CRB1: variants seen among roughly 807,000 people sequenced by gnomAD.
The protein encoded by CRB1 is protein crumbs homolog 1.
CRB1 carries 83 observed loss-of-function variants against 120.0 expected under a neutral mutation model. The ratio of observed to expected loss-of-function variants is 0.69; its 90% CI spans 0.58 to 0.83. The LOEUF is 0.83. Ranked by LOEUF, CRB1 falls within the 40% of genes least tolerant of loss-of-function variation. CRB1 has a pLI of 0.00. For missense variants in CRB1, 1,699 were observed against 1,687.6 expected, an observed-to-expected ratio of 1.01 and a Z score of -0.12; for synonymous variants, 625 against 612.5, an observed-to-expected ratio of 1.02 and a Z score of -0.30.
chr1:197,417,922 A>G (rs1482016375), intron 5 of CRB1, among the ~76,000 whole-genome samples: 2 of 152,166 alleles, frequency 1.3e-5, no homozygotes, highest in Non-Finnish European at 2.9e-5. Flanking sequence ...ATTTTATTCT[A>G]AATTGCATTG....
chr1:197,392,705 A>C (rs1662568259), intron 5 of CRB1, among the ~76,000 whole-genome samples: 1 of 152,210 alleles, frequency 6.6e-6, no homozygotes, highest in Non-Finnish European at 1.5e-5. Context: ...GTGAATCAAT[A>C]TGACTACAGA....
At chr1:197,323,725 A>G (rs1406564561) in intron 1 of CRB1, among the ~76,000 whole-genome samples, 4 of 152,116 alleles carry the variant, frequency 2.6e-5, no homozygotes. Context: ...ATCTTCTATG[A>G]GGTAAATGTG....
rs761294709 is a variant in CRB1 at position 197,429,627 on chromosome 1, C to T, written c.2842+13C>T. 11 of 1,612,490 alleles carry T rather than the reference C, an allele frequency of 6.8e-6. No individual in the cohort carries two copies. The Admixed American group carries it at 1.0e-4, about 15-fold the overall frequency. The stretch of plus-strand genomic sequence containing the variant: ...CAAGGATTTGAATGTAGGTAGAGTT[C>T]AAACCTACCATCTCACCAGTTAAGT... On this transcript the variant is annotated intron_variant, in intron 8 of 11. Coordinates refer to ENST00000367400, the MANE Select transcript of CRB1 (RefSeq NM_201253.3).
the CRB1 span, among the ~76,000 whole-genome samples, chr1:197,247,447 C>T: frequency 2.0e-5 from 3 of 152,032 alleles, no homozygotes; most frequent in African/African-American, 7.2e-5. Context: ...GAACACCAAA[C>T]CAATAGTATT....
At chr1:197,256,513 G>C in the CRB1 span, among the ~76,000 whole-genome samples, 1 of 152,048 alleles carries the variant, frequency 6.6e-6, no homozygotes, top group Non-Finnish European at 1.5e-5. Flanking sequence ...GTACTTATAT[G>C]TTTAAGACAC....
At chr1:197,297,160 A>G (rs932709700) in intron 1 of CRB1, among the ~76,000 whole-genome samples, 50 of 151,650 alleles carry the variant, frequency 3.3e-4, no homozygotes, top group African/African-American at 1.2e-3. Context: ...GGTCATCTGA[A>G]ACGCCATCAA....
intron 1 of CRB1, among the ~76,000 whole-genome samples, chr1:197,269,037 A>G (rs1376343833): frequency 6.6e-6 from 1 of 152,178 alleles, no homozygotes; most frequent in Non-Finnish European, 1.5e-5. Flanking sequence ...ATAAATGAAG[A>G]TATTATTTTC....
intron 11 of CRB1, among the ~76,000 whole-genome samples, chr1:197,449,103 C>A (rs1665834423): frequency 6.6e-6 from 1 of 152,156 alleles, no homozygotes; most frequent in Admixed American, 6.5e-5. Flanking sequence ...AGAATAGCAA[C>A]TATGTCAGTG....
At chr1:197,320,342 C>T (rs1658117435) in intron 1 of CRB1, among the ~76,000 whole-genome samples, 1 of 152,122 alleles carries the variant, frequency 6.6e-6, no homozygotes, top group African/African-American at 2.4e-5. Flanking sequence ...GAATACTCAT[C>T]CTTTATTAGG....
At chr1:197,289,678 T>C (rs966925098) in intron 1 of CRB1, among the ~76,000 whole-genome samples, 3 of 151,800 alleles carry the variant, frequency 2.0e-5, no homozygotes, top group Non-Finnish European at 4.4e-5. Context: ...TGTTGTCTAT[T>C]AATCTTACTA....
the CRB1 span, among the ~76,000 whole-genome samples, chr1:197,252,580 A>G: frequency 0.22 from 4,856 of 21,584 alleles, 268 homozygotes; most frequent in South Asian, 0.24. Context: ...ATATATATAT[A>G]TATGTGTGTG....
intron 11 of CRB1, among the ~76,000 whole-genome samples, chr1:197,461,121 T>C (rs1001954862): frequency 6.6e-6 from 1 of 152,148 alleles, no homozygotes; most frequent in African/African-American, 2.4e-5. Flanking sequence ...TATAACTGCA[T>C]TGCCACTTAA....
intron 5 of CRB1, among the ~76,000 whole-genome samples, chr1:197,366,397 T>C (rs1661078529): frequency 1.3e-5 from 2 of 152,204 alleles, no homozygotes; most frequent in Non-Finnish European, 2.9e-5. Flanking sequence ...GACAGCTCCA[T>C]TCAAAAGAAC....
At chr1:197,350,670 T>G (rs932969550) in intron 4 of CRB1, among the ~76,000 whole-genome samples, 19 of 152,196 alleles carry the variant, frequency 1.2e-4, no homozygotes, top group Admixed American at 7.8e-4. Context: ...TTTGGTACAA[T>G]AAGAGGCTAT....
intron 5 of CRB1, among the ~76,000 whole-genome samples, chr1:197,361,769 T>TA (rs370146891): frequency 3.3e-5 from 5 of 151,350 alleles, no homozygotes; most frequent in East Asian, 1.9e-4. Context: ...TGATTTTTTT[T>TA]AAAAAAATAG....
At position 197,328,713 on chromosome 1, in the gene CRB1, A is replaced by G. The variant is rs1428685023; in HGVS notation, c.362A>G (p.His121Arg). The G allele has an allele frequency of 2.5e-6, 4 of 1,612,738 alleles. No homozygotes were observed. Among genetic ancestry groups the G allele is most frequent in the Non-Finnish European group, 3.4e-6 (4 of 1,178,924 alleles). The change falls in exon 2 of 12, where the codon CAT becomes CGT. Residue 121 changes from histidine to arginine, a missense_variant. By Grantham distance (29) the His-to-Arg change is conservative. Coordinates refer to ENST00000367400, the MANE Select transcript of CRB1 (RefSeq NM_201253.3). ...TCCTGTGGCAAGAACTCCTGCCAACATGGAGGTATTTGCCATCAGGACCCT... is the reference window on the plus strand; with the variant it reads ...TCCTGTGGCAAGAACTCCTGCCAACGTGGAGGTATTTGCCATCAGGACCCT... ...IGSCGKNSCQHGGICHQDPIY... is the reference protein window; with the variant it reads ...IGSCGKNSCQRGGICHQDPIY...
chr1:197,441,897 G>A (rs1283629548), intron 10 of CRB1: 1 of 458,126 alleles, frequency 2.2e-6, no homozygotes, highest in South Asian at 2.3e-5. Flanking sequence ...TTTTCTCTTG[G>A]TTTCTAAATA....
the CRB1 span, among the ~76,000 whole-genome samples, chr1:197,220,317 T>C: frequency 0.58 from 88,308 of 152,150 alleles, 29,240 homozygotes; most frequent in East Asian, 0.91. Flanking sequence ...TGTAAAAAGA[T>C]GTATAAACAA....
the CRB1 span, among the ~76,000 whole-genome samples, chr1:197,202,937 G>A: frequency 6.6e-6 from 1 of 151,650 alleles, no homozygotes; most frequent in African/African-American, 2.4e-5. Context: ...TGCAAAAATC[G>A]TAGACCTACA....
Sources: gnomAD v4.1 joint callset for allele counts (sites outside exome capture counted in the v4.1 genomes callset) on GRCh38, gnomAD v4.1.1 for gene constraint, MANE v1.5 for transcripts, NCBI Gene and HGNC (gene_info 2026-07-23, HGNC 2026-07-21) for gene names.